The following MAPK10 variants were observed in gnomAD, a reference collection of about 807,000 sequenced individuals.
MAPK10 encodes the protein mitogen-activated protein kinase 10, also known as JNK3 alpha protein kinase.
MAPK10 carries 25 observed loss-of-function variants against 59.3 expected under a neutral mutation model. The ratio of observed to expected loss-of-function variants is 0.42; its 90% CI spans 0.31 to 0.59. MAPK10 has a LOEUF of 0.59. MAPK10 is among the 20% of genes least tolerant of loss of function. The pLI, the probability that MAPK10 is intolerant of heterozygous loss-of-function variation, is 0.15. For missense variants in MAPK10, 351 were observed against 568.9 expected (o/e 0.62, Z 3.90); for synonymous variants, 190 against 200.5 (o/e 0.95, Z 0.44).
chr4:86,303,976 G>A (rs1308452373), intron 2 of MAPK10, among the ~76,000 whole-genome samples: 1 of 152,134 alleles, frequency 6.6e-6, no homozygotes, highest in African/African-American at 2.4e-5. Flanking sequence ...GTCCCCACAG[G>A]ATCTTCTAGA....
At chr4:86,213,585 T>C (rs2086489352) in intron 2 of MAPK10, among the ~76,000 whole-genome samples, 1 of 152,082 alleles carries the variant, frequency 6.6e-6, no homozygotes, top group Admixed American at 6.6e-5. Context: ...CTGTGATTAA[T>C]TGTATGCCAA....
At chr4:86,079,097 G>T (rs2050119861) in intron 9 of MAPK10, among the ~76,000 whole-genome samples, 1 of 152,092 alleles carries the variant, frequency 6.6e-6, no homozygotes, top group Non-Finnish European at 1.5e-5. Flanking sequence ...CAGGAAATAT[G>T]AATAAGTGAC....
At chr4:86,179,870 A>C (rs1406157515) in intron 3 of MAPK10, among the ~76,000 whole-genome samples, 1 of 152,128 alleles carries the variant, frequency 6.6e-6, no homozygotes, top group East Asian at 1.9e-4. Context: ...GTAAGACCTA[A>C]AACTATAAAA....
At chr4:86,166,433 T>G (rs191822937) in intron 3 of MAPK10, among the ~76,000 whole-genome samples, 1 of 150,582 alleles carries the variant, frequency 6.6e-6, no homozygotes, top group Non-Finnish European at 1.5e-5. Context: ...TCTCAAAGTT[T>G]TTATTTTTAA....
chr4:86,019,221 G>A (rs931398745), intron 13 of MAPK10, among the ~76,000 whole-genome samples: 4 of 152,108 alleles, frequency 2.6e-5, no homozygotes, highest in East Asian at 1.9e-4. Flanking sequence ...TTTTTGCCTG[G>A]AAGTTTCCCT....
chr4:86,261,349 A>T (rs944867576), intron 2 of MAPK10, among the ~76,000 whole-genome samples: 20 of 152,296 alleles, frequency 1.3e-4, no homozygotes, highest in African/African-American at 4.6e-4. Flanking sequence ...ACAGGAGCTA[A>T]ATTTGTCTGT....
At chr4:86,039,229 A>G (rs982183575) in intron 11 of MAPK10, among the ~76,000 whole-genome samples, 1 of 152,204 alleles carries the variant, frequency 6.6e-6, no homozygotes, top group Non-Finnish European at 1.5e-5. Context: ...ACCAGGTGAG[A>G]GATTTCAGCA....
chr4:86,419,003 A>C (rs1247776418), intron 1 of MAPK10, among the ~76,000 whole-genome samples: 1 of 152,170 alleles, frequency 6.6e-6, no homozygotes, highest in African/African-American at 2.4e-5. Context: ...GGGACTTAAA[A>C]GGGAAGGATG....
chr4:86,020,922 C>G (rs1295264502), intron 13 of MAPK10: 2 of 152,264 alleles, frequency 1.3e-5, no homozygotes, highest in South Asian at 4.1e-4. Context: ...AAGTGGGTTG[C>G]CAATGCTGGC....
At chr4:86,172,548 G>A (rs1238453858) in intron 3 of MAPK10, among the ~76,000 whole-genome samples, 1 of 150,286 alleles carries the variant, frequency 6.7e-6, no homozygotes, top group Non-Finnish European at 1.5e-5. Context: ...CACAGGAAGG[G>A]GAATATCACA....
Position 86,563,697 on chromosome 4 carries a change from C to A in MAPK10, c.-263+30213G>T, listed in dbSNP as rs549983503. On this transcript the variant is annotated intron_variant, in intron 1 of 4. Coordinates refer to the MAPK10 transcript ENST00000502302. The stretch of plus-strand genomic sequence containing the variant: ...GTTTTCTTCTCTGATAATCAAGAGA[C>A]CTACTAAGTAACTAATGGGAGGGTA... Among the ~76,000 whole-genome samples, 15 of 152,172 alleles carry A rather than the reference C, an allele frequency of 9.9e-5. No homozygotes were observed. The South Asian group carries it at 3.1e-3, about 32-fold the overall frequency.
chr4:86,107,162 AT>A, intron 5 of MAPK10, 60 bp downstream of exon 5: 1 of 1,391,576 alleles, frequency 7.2e-7, no homozygotes, highest in Non-Finnish European at 1.0e-6. Flanking sequence ...GTACAGACAC[AT>A]TTTCTTTTTC....
At chr4:86,397,864 C>CA (rs759585442) in intron 1 of MAPK10, among the ~76,000 whole-genome samples, 8,352 of 51,408 alleles carry the variant, frequency 0.16, 1,091 homozygotes, top group Non-Finnish European at 0.18. Flanking sequence ...TCTGCTATGG[C>CA]AAAAAAAAAA....
At chr4:86,395,532 G>C (rs987574355) in intron 1 of MAPK10, among the ~76,000 whole-genome samples, 1 of 152,178 alleles carries the variant, frequency 6.6e-6, no homozygotes, top group Non-Finnish European at 1.5e-5. Flanking sequence ...CAATCACCAG[G>C]TATTGATAGT....
chr4:86,121,031 C>A (rs1160277678), intron 4 of MAPK10, among the ~76,000 whole-genome samples: 1 of 152,140 alleles, frequency 6.6e-6, no homozygotes, highest in African/African-American at 2.4e-5. Flanking sequence ...TTCTTGGTCA[C>A]AACCAAATGA....
At chr4:86,580,097 G>A (rs948722863) in intron 1 of MAPK10, among the ~76,000 whole-genome samples, 5 of 152,190 alleles carry the variant, frequency 3.3e-5, no homozygotes, top group Admixed American at 1.3e-4. Flanking sequence ...GTGAGACACC[G>A]TCCGTGGCCT....
At chr4:86,141,206 C>G (rs1216949475) in intron 4 of MAPK10, among the ~76,000 whole-genome samples, 2 of 152,148 alleles carry the variant, frequency 1.3e-5, no homozygotes, top group Non-Finnish European at 2.9e-5. Flanking sequence ...GATTCATTAC[C>G]TTACAGAAAG....
chr4:86,171,434 C>CA (rs1349569419), intron 3 of MAPK10, among the ~76,000 whole-genome samples: 2 of 151,856 alleles, frequency 1.3e-5, no homozygotes, highest in African/African-American at 4.9e-5. Flanking sequence ...ATATCTACAA[C>CA]TATCTGATCT....
rs570014835 is a variant in MAPK10 at position 86,548,477 on chromosome 4, C to A, written c.-263+45433G>T. Among the ~76,000 whole-genome samples, 26 of 152,264 alleles carry A rather than the reference C, an allele frequency of 1.7e-4. 1 individual carries two copies. In the South Asian group the frequency reaches 5.4e-3, roughly 32 times the overall value. Reference sequence around the variant, plus strand: ...TAACTGCTATGGTTTGGATCTCTGTCCCCACTAAATTTCATGTTGAATTAT... The same window carrying A: ...TAACTGCTATGGTTTGGATCTCTGTACCCACTAAATTTCATGTTGAATTAT... On this transcript the variant is annotated intron_variant, in intron 1 of 4. Coordinates refer to the MAPK10 transcript ENST00000502302.
Sources: gnomAD v4.1 joint callset for allele counts (sites outside exome capture counted in the v4.1 genomes callset) on GRCh38, gnomAD v4.1.1 for gene constraint, MANE v1.5 for transcripts, NCBI Gene and HGNC (gene_info 2026-07-23, HGNC 2026-07-21) for gene names.